Variants in PCDHGB1 observed in about 807,000 individuals in gnomAD.
PCDHGB1 encodes the protein protocadherin gamma subfamily B, 1.
Under a neutral mutation model 56.6 loss-of-function variants are expected in PCDHGB1, and 34 were observed. The ratio of observed to expected loss-of-function variants is 0.60; its 90% CI spans 0.46 to 0.80. PCDHGB1 has a LOEUF of 0.80. PCDHGB1 is among the 30% of genes least tolerant of loss of function. The probability of loss-of-function intolerance (pLI) is 0.00; values close to 1 mark genes in which losing one functional copy is unlikely to be tolerated. For missense variants in PCDHGB1, 1,278 were observed against 1,204.6 expected (o/e 1.06, Z -0.90); for synonymous variants, 561 against 505.9 (o/e 1.11, Z -1.46).
intron 1 of PCDHGB1, among the ~76,000 whole-genome samples, chr5:141,454,266 C>T (rs2098785508): frequency 1.3e-5 from 2 of 152,132 alleles, no homozygotes; most frequent in African/African-American, 4.8e-5. Flanking sequence ...AAAGTAATGC[C>T]AGCAAAAACT....
In PCDHGB1 at chr5:141,356,612, T is replaced by C. The variant is rs550399659; in HGVS notation, c.2409+3943T>C. 2.5e-6 allele frequency: 4 copies of C among 1,614,160 alleles called. No homozygotes were observed. The East Asian group carries it at 6.7e-5, about 27-fold the overall frequency. On this transcript the variant is annotated intron_variant, in intron 1 of 3. Transcript: ENST00000523390. ...GAAAACAACCCCAGAGGAGCCTCCA[T>C]CTTATCTATGACTGCTCAAGACCCT...
chr5:141,399,360 C>T, intron 1 of PCDHGB1: 1 of 1,613,978 alleles, frequency 6.2e-7, no homozygotes, highest in Non-Finnish European at 8.5e-7. Context: ...GAGAGCAAAC[C>T]CCGGAGTACA....
At chr5:141,484,598 T>C (rs2099598059) in intron 1 of PCDHGB1, among the ~76,000 whole-genome samples, 1 of 152,080 alleles carries the variant, frequency 6.6e-6, no homozygotes, top group Non-Finnish European at 1.5e-5. Flanking sequence ...TCATTTAGAA[T>C]ACTGGTTGAT....
chr5:141,394,968 T>A, intron 1 of PCDHGB1: 1 of 1,613,938 alleles, frequency 6.2e-7, no homozygotes, highest in Non-Finnish European at 8.5e-7. Flanking sequence ...GCTGAGGCGC[T>A]GGCACAAGTC....
intron 1 of PCDHGB1, chr5:141,400,054 C>G: frequency 6.2e-7 from 1 of 1,613,622 alleles, no homozygotes; most frequent in Non-Finnish European, 8.5e-7. Flanking sequence ...GGTTGCTGTG[C>G]GTGATGGTGG....
At chr5:141,404,399 G>A in intron 1 of PCDHGB1, 2 of 1,613,896 alleles carry the variant, frequency 1.2e-6, no homozygotes, top group Non-Finnish European at 1.7e-6. Context: ...TGATAGCAAT[G>A]AGAATTCTAG....
Position 141,489,575 on chromosome 5 carries a change from AC to A in PCDHGB1, c.2410-5227del. On this transcript the variant is annotated intron_variant, in intron 1 of 3. Coordinates refer to ENST00000523390, the MANE Select transcript of PCDHGB1 (RefSeq NM_018922.3). This position sits in a 1 kb window ranked among gnomAD's most constrained non-coding sequence, Gnocchi z 4.5. ...CTGCCAGTGCAGGTGGTGACTGAAC[AC>A]CCCCTGGAGCTAATCCGTGTAGAGG... 1 of 1,613,788 alleles carries A rather than the reference AC, an allele frequency of 6.2e-7. No individual in the cohort carries two copies. Among genetic ancestry groups the A allele is most frequent in the Middle Eastern group, 1.6e-4 (1 of 6,062 alleles).
rs762121534 is a variant in PCDHGB1, at chr5:141,403,984, A to G, written c.2409+51315A>G. 1.7e-5 allele frequency: 27 copies of G among 1,613,774 alleles called. No homozygotes were observed. The South Asian group carries it at 2.7e-4, about 16-fold the overall frequency. On this transcript the variant is annotated intron_variant, in intron 1 of 3. Coordinates refer to ENST00000523390, the MANE Select transcript of PCDHGB1 (RefSeq NM_018922.3). Reference sequence around the variant, plus strand: ...CGGTGGAAGATGTAAATGACAATAGACCTGAAGTGACCATTACATCTCTGT... The same window carrying G: ...CGGTGGAAGATGTAAATGACAATAGGCCTGAAGTGACCATTACATCTCTGT...
rs148675327 is a variant in PCDHGB1 at position 141,477,019 on chromosome 5, C to A, written c.2410-17788C>A. On this transcript the variant is annotated intron_variant, in intron 1 of 3. Coordinates refer to ENST00000523390, the MANE Select transcript of PCDHGB1 (RefSeq NM_018922.3). The surrounding 1 kb of genome is among the most constrained non-coding windows in gnomAD (Gnocchi z 4.9). ...AACTATTCGCCTTAGACCTTGTAAC[C>A]GGGATGCTGACAATCAAGGGTCGGC... The A allele has an allele frequency of 1.7e-5, 28 of 1,614,124 alleles. No individual in the cohort carries two copies. The African/African-American group carries it at 2.5e-4, about 15-fold the overall frequency.
chr5:141,491,800 C>G lies in PCDHGB1; in HGVS notation c.2410-3007C>G. The G allele has an allele frequency of 6.7e-7, 1 of 1,500,854 alleles. No individual in the cohort carries two copies. The highest frequency in any genetic ancestry group is 8.9e-7 in the Non-Finnish European group (1 of 1,125,316). 93.0% of individuals were successfully genotyped at this position (1,500,854 alleles called of 1,614,324 possible). A position where few individuals can be genotyped will look rare whatever the true frequency, so the allele number is the denominator to read the frequency against. ...GAACTTGCATCCACTCCTCTCCGGC[C>G]GGCTTGGTCGCTGGCTGCGCTCCAC... On this transcript the variant is annotated intron_variant, in intron 1 of 3. Transcript: ENST00000523390. The surrounding 1 kb of genome is among the most constrained non-coding windows in gnomAD (Gnocchi z 6.9).
rs745516293 is a variant in PCDHGB1, at chr5:141,382,909, C to T, written c.2409+30240C>T. 11 of 1,546,196 alleles carry T rather than the reference C, an allele frequency of 7.1e-6. No homozygotes were observed. The South Asian group carries it at 1.4e-4, about 19-fold the overall frequency. On this transcript the variant is annotated intron_variant, in intron 1 of 3. Transcript: ENST00000523390. Reference sequence around the variant, plus strand: ...GAGAAGCAGGACGACTATGGCGGCTCAGCCGAGGGGCGGGGACTACAGAGG... The same window carrying T: ...GAGAAGCAGGACGACTATGGCGGCTTAGCCGAGGGGCGGGGACTACAGAGG...
chr5:141,389,726 C>T (rs150721796), intron 1 of PCDHGB1: 77,154 of 1,612,710 alleles, frequency 0.048, 2,225 homozygotes, highest in Non-Finnish European at 0.054. Context: ...AGCCCGGGCT[C>T]TTCAGCCTGG....
intron 1 of PCDHGB1, chr5:141,385,640 A>G (rs917789862): frequency 1.2e-6 from 1 of 803,664 alleles, no homozygotes; most frequent in South Asian, 4.4e-5. Context: ...CGAGTCTTTC[A>G]TATTGCACAA....
chr5:141,430,904 T>C (rs2097322701), intron 1 of PCDHGB1: 5 of 1,606,730 alleles, frequency 3.1e-6, no homozygotes, highest in Middle Eastern at 1.7e-4. Context: ...GGGCGACATC[T>C]CCAGGGACCT....
At chr5:141,394,519 C>A (rs1462431722) in intron 1 of PCDHGB1, 1 of 1,614,240 alleles carries the variant, frequency 6.2e-7, no homozygotes, top group South Asian at 1.1e-5. Context: ...GCCCTCCCCA[C>A]AGACGGTTCC....
Position 141,399,060 on chromosome 5 carries a change from T to C in PCDHGB1, c.2409+46391T>C, listed in dbSNP as rs903637711. 1.9e-5 allele frequency: 31 copies of C among 1,613,868 alleles called. No homozygotes were observed. In the African/African-American group the frequency reaches 2.8e-4, roughly 15 times the overall value. ...TGGATTTTGAAGAGACCAAGGAATA[T>C]TCAATGGTTGTAGAAGGGAGGGATG... On this transcript the variant is annotated intron_variant, in intron 1 of 3. Coordinates refer to ENST00000523390, the MANE Select transcript of PCDHGB1 (RefSeq NM_018922.3).
In PCDHGB1 at chr5:141,351,767, G is replaced by T. The variant is rs371048978; in HGVS notation, c.1507G>T (p.Val503Leu). 4.9e-5 allele frequency: 79 copies of T among 1,613,418 alleles called. 2 individuals carry two copies. The highest frequency in any genetic ancestry group is 9.3e-6 in the Non-Finnish European group (11 of 1,179,914). Residue 503 changes from valine to leucine, a missense_variant, in exon 1 of 4, where the codon GTG (valine) becomes TTG (leucine). Coordinates refer to ENST00000523390, the MANE Select transcript of PCDHGB1 (RefSeq NM_018922.3). Reference sequence around the variant, plus strand: ...GCGGGAGCTGTTGTCCTACGTGTCCGTGAGCCCGCAGAGCGGGGTGGTGTT... The same window carrying T: ...GCGGGAGCTGTTGTCCTACGTGTCCTTGAGCCCGCAGAGCGGGGTGGTGTT... Reference protein sequence around the residue: ...EPRELLSYVSVSPQSGVVFAQ... With the variant: ...EPRELLSYVSLSPQSGVVFAQ...
chr5:141,491,434 A>T lies in PCDHGB1; in HGVS notation c.2410-3373A>T. 6.2e-7 allele frequency: 1 copy of T among 1,614,032 alleles called. No homozygotes were observed. Among genetic ancestry groups the T allele is most frequent in the Non-Finnish European group, 8.5e-7 (1 of 1,179,988 alleles). On this transcript the variant is annotated intron_variant, in intron 1 of 3. Transcript: ENST00000523390. The surrounding 1 kb of genome is among the most constrained non-coding windows in gnomAD (Gnocchi z 6.9). ...GGACGGGGGTGGAGGGCAGTGCTGC[A>T]GGCGCCAGGACTCACCCTCCCCGGA...
chr5:141,490,804 T>C lies in PCDHGB1; in HGVS notation c.2410-4003T>C. On this transcript the variant is annotated intron_variant, in intron 1 of 3. Coordinates refer to ENST00000523390, the MANE Select transcript of PCDHGB1 (RefSeq NM_018922.3). This position sits in a 1 kb window ranked among gnomAD's most constrained non-coding sequence, Gnocchi z 5.4. The stretch of plus-strand genomic sequence containing the variant: ...TGGACGGATCTTTGCCCAGCGTACC[T>C]TTGACTATGAATTGCTGCAGATGCT... 2 of 1,613,854 alleles carry C rather than the reference T, an allele frequency of 1.2e-6. No homozygotes were observed. Among genetic ancestry groups the C allele is most frequent in the Non-Finnish European group, 1.7e-6 (2 of 1,179,816 alleles).
Sources: allele counts gnomAD v4.1 joint callset (sites outside exome capture counted in the v4.1 genomes callset), GRCh38; gene constraint gnomAD v4.1.1; non-coding constraint Gnocchi (gnomAD v3.1); transcripts MANE v1.5; gene names NCBI Gene and HGNC (gene_info 2026-07-23, HGNC 2026-07-21).